The following SCOC variants were observed in gnomAD, a reference collection of about 807,000 sequenced individuals.
The protein encoded by SCOC is short coiled coil protein.
In SCOC, 7 loss-of-function variants were observed where a neutral mutation model predicts 9.9. The observed-to-expected ratio is 0.71, with a 90% CI of 0.40 to 1.33. The LOEUF is 1.33. Ranked by LOEUF, SCOC falls within the 40% of genes most tolerant of loss-of-function variation. The pLI is 0.01. For synonymous variants in SCOC, 19 were observed against 28.2 expected, an observed-to-expected ratio of 0.67 and a Z score of 1.03; for missense variants, 66 against 89.7, an observed-to-expected ratio of 0.74 and a Z score of 1.07.
intron 1 of SCOC, among the ~76,000 whole-genome samples, chr4:140,319,936 G>A (rs1031862112): frequency 6.6e-6 from 1 of 152,150 alleles, no homozygotes; most frequent in Admixed American, 6.5e-5. Context: ...CTGGTAAGAA[G>A]CTTATGCTAG....
intron 1 of SCOC, among the ~76,000 whole-genome samples, chr4:140,302,817 C>T (rs1310021827): frequency 1.3e-5 from 2 of 152,098 alleles, no homozygotes; most frequent in Non-Finnish European, 2.9e-5. Flanking sequence ...AGACTGTAGA[C>T]GTAGTTACCC....
At chr4:140,369,260 G>A (rs560408731), upstream of SCOC, 159 of 448,716 alleles carry the variant, frequency 3.5e-4, no homozygotes, top group Admixed American at 1.1e-3. Flanking sequence ...ATACAATTAC[G>A]TCTAGTTTTG....
intron 1 of SCOC, among the ~76,000 whole-genome samples, chr4:140,258,552 C>T (rs897095572): frequency 6.6e-6 from 1 of 152,166 alleles, no homozygotes; most frequent in African/African-American, 2.4e-5. Flanking sequence ...GAGGTGAATG[C>T]CATGCCAATC....
intron 1 of SCOC, among the ~76,000 whole-genome samples, chr4:140,287,390 A>G (rs1227902154): frequency 1.3e-5 from 2 of 151,648 alleles, no homozygotes; most frequent in Admixed American, 1.3e-4. Context: ...GAAACCATAG[A>G]CCACACATAT....
At chr4:140,295,787 C>T (rs534730358) in intron 1 of SCOC, among the ~76,000 whole-genome samples, 9 of 151,744 alleles carry the variant, frequency 5.9e-5, no homozygotes, top group African/African-American at 1.7e-4. Context: ...AAAAATTAGC[C>T]GGGCGCGGTG....
In SCOC at chr4:140,337,279, G is replaced by T. The variant is rs185794125; in HGVS notation, c.-18-6342G>T. Among the ~76,000 whole-genome samples, 4 of 151,996 alleles carry T rather than the reference G, an allele frequency of 2.6e-5. No homozygotes were observed. In the East Asian group the frequency reaches 5.8e-4, roughly 22 times the overall value. ...TTATCTATTTTTTCTTTTGTTGCTTGTGCTTTTAGTGTCAATCTAAGAATC... is the reference window on the plus strand; with the variant it reads ...TTATCTATTTTTTCTTTTGTTGCTTTTGCTTTTAGTGTCAATCTAAGAATC... On this transcript the variant is annotated intron_variant, in intron 1 of 4. Transcript: ENST00000394205.
chr4:140,271,244 T>C (rs956253968), intron 1 of SCOC, among the ~76,000 whole-genome samples: 3 of 152,062 alleles, frequency 2.0e-5, no homozygotes, highest in Admixed American at 6.6e-5. Context: ...GTCTTGAAAG[T>C]TGGATAGAAT....
chr4:140,299,036 T>G (rs1362082832), intron 1 of SCOC, among the ~76,000 whole-genome samples: 3 of 152,170 alleles, frequency 2.0e-5, no homozygotes, highest in African/African-American at 7.2e-5. Context: ...CAGGCTGGTC[T>G]CAAACTCCTA....
At chr4:140,302,731 C>T (rs1398983445) in intron 1 of SCOC, among the ~76,000 whole-genome samples, 1 of 152,106 alleles carries the variant, frequency 6.6e-6, no homozygotes, top group Admixed American at 6.5e-5. Context: ...TCAGAAGAGA[C>T]CAAAGTGAAT....
Position 140,381,167 on chromosome 4 carries a change from A to G in SCOC, c.*63A>G. 1 of 1,488,500 alleles carries G rather than the reference A, an allele frequency of 6.7e-7. No individual in the cohort carries two copies. Among genetic ancestry groups the G allele is most frequent in the Non-Finnish European group, 9.0e-7 (1 of 1,108,544 alleles). 92.2% of individuals were successfully genotyped at this position (1,488,500 alleles called of 1,614,324 possible). On this transcript the variant is annotated 3_prime_UTR_variant, in exon 4 of 4. Transcript: ENST00000608372. The stretch of plus-strand genomic sequence containing the variant: ...ATCATTTTTTCTTTAAAACTTGGAT[A>G]GATTCCAAAAGTTACAGTACCTTTG...
chr4:140,310,483 A>G (rs1028532495), intron 1 of SCOC, among the ~76,000 whole-genome samples: 3 of 152,202 alleles, frequency 2.0e-5, no homozygotes, highest in African/African-American at 7.2e-5. Flanking sequence ...CCCTTCAGGA[A>G]CTTTCGCTCT....
chr4:140,338,699 A>G (rs1456392698), upstream of SCOC, among the ~76,000 whole-genome samples: 3 of 152,220 alleles, frequency 2.0e-5, no homozygotes, highest in African/African-American at 4.8e-5. Context: ...CCCATTCACA[A>G]TTGCTTCAAA....
upstream of SCOC, chr4:140,373,628 G>T: frequency 6.4e-7 from 1 of 1,551,710 alleles, no homozygotes; most frequent in East Asian, 2.4e-5. Flanking sequence ...TGTGGGCGGA[G>T]TGGGCGGAGC....
intron 1 of SCOC, among the ~76,000 whole-genome samples, chr4:140,317,205 T>C (rs946775926): frequency 6.6e-6 from 1 of 152,152 alleles, no homozygotes; most frequent in Non-Finnish European, 1.5e-5. Context: ...TCTTTCTCTA[T>C]GGGTTCTTGT....
chr4:140,292,866 T>G (rs1349587210), intron 1 of SCOC, among the ~76,000 whole-genome samples: 1 of 152,202 alleles, frequency 6.6e-6, no homozygotes, highest in Admixed American at 6.5e-5. Flanking sequence ...CCTGATTTCA[T>G]AGGAGATCTG....
In SCOC at chr4:140,265,335, C is replaced by T. The variant is rs141085523; in HGVS notation, c.-19+7925C>T. ...CTCAGTTTGCCTGTTCTCTTTTAGC[C>T]GGGTATTTAAATGCTTATGTGGTGG... is the stretch of plus-strand genomic sequence containing the variant. On this transcript the variant is annotated intron_variant, in intron 1 of 4. Transcript: ENST00000394205. Among the ~76,000 whole-genome samples the T allele has an allele frequency of 3.5e-3, 536 of 152,216 alleles. 4 individuals carry two copies. The highest frequency in any genetic ancestry group is 0.014 in the Middle Eastern group (4 of 294).
intron 1 of SCOC, among the ~76,000 whole-genome samples, chr4:140,310,690 G>C (rs981095070): frequency 6.6e-6 from 1 of 152,176 alleles, no homozygotes; most frequent in Non-Finnish European, 1.5e-5. Context: ...TGAGGGACTA[G>C]TCATGATTTA....
chr4:140,374,431 A>G, intron 1 of SCOC: 1 of 297,986 alleles, frequency 3.4e-6, no homozygotes, highest in Non-Finnish European at 6.6e-6. Flanking sequence ...AGCTGTGCCC[A>G]TGTATTCTGG....
chr4:140,373,956 G>A, intron 1 of SCOC: 1 of 681,516 alleles, frequency 1.5e-6, no homozygotes, highest in Non-Finnish European at 2.7e-6. Flanking sequence ...TTCTTTGGGA[G>A]AGGGACCTCT....
Sources: gnomAD v4.1 joint callset for allele counts (sites outside exome capture counted in the v4.1 genomes callset) on GRCh38, gnomAD v4.1.1 for gene constraint, MANE v1.5 for transcripts, NCBI Gene and HGNC (gene_info 2026-07-23, HGNC 2026-07-21) for gene names.